Variants in FMNL2 observed in about 807,000 individuals in gnomAD.
FMNL2 encodes the protein formin-like protein 2.
Under a neutral mutation model 130.2 loss-of-function variants are expected in FMNL2, and 51 were observed. That is an observed-to-expected ratio of 0.39 (90% CI 0.31 to 0.49). The LOEUF is 0.49. Among genes scored for constraint, FMNL2 ranks in the 20% least tolerant of loss-of-function variants. The probability of loss-of-function intolerance (pLI) is 0.85; values close to 1 mark genes in which losing one functional copy is unlikely to be tolerated. For missense variants in FMNL2, 977 were observed against 1,316.2 expected, an observed-to-expected ratio of 0.74 and a Z score of 3.99; for synonymous variants, 465 against 467.1, an observed-to-expected ratio of 1.00 and a Z score of 0.06.
At chr2:152,402,260 G>A (rs938491477) in intron 1 of FMNL2, among the ~76,000 whole-genome samples, 1 of 152,164 alleles carries the variant, frequency 6.6e-6, no homozygotes, top group Non-Finnish European at 1.5e-5. Context: ...GTAAATAGTG[G>A]TGAAACATGA....
intron 1 of FMNL2, among the ~76,000 whole-genome samples, chr2:152,417,480 G>A (rs534926130): frequency 3.3e-5 from 5 of 152,284 alleles, no homozygotes; most frequent in South Asian, 2.1e-4. Context: ...GGGACCAAGC[G>A]GGGATCAGGA....
intron 9 of FMNL2, among the ~76,000 whole-genome samples, chr2:152,605,485 A>AT (rs1246662281): frequency 3.3e-5 from 5 of 151,810 alleles, no homozygotes; most frequent in East Asian, 1.9e-4. Context: ...CACCTGTCTG[A>AT]TTTTTTAATT....
chr2:152,564,799 A>T (rs75693764), intron 6 of FMNL2, among the ~76,000 whole-genome samples: 679 of 9,592 alleles, frequency 0.071, 11 homozygotes, highest in African/African-American at 0.16. Context: ...TTTTTTTTTT[A>T]ACCAAATTCT....
intron 1 of FMNL2, among the ~76,000 whole-genome samples, chr2:152,508,796 G>T (rs1290511744): frequency 1.3e-5 from 2 of 152,198 alleles, no homozygotes; most frequent in African/African-American, 2.4e-5. Context: ...TTACCCAGCT[G>T]AGACGCACAG....
intron 15 of FMNL2, among the ~76,000 whole-genome samples, chr2:152,620,707 C>A (rs971218723): frequency 6.6e-6 from 1 of 152,216 alleles, no homozygotes; most frequent in Non-Finnish European, 1.5e-5. Context: ...CAATCTCCAT[C>A]CCTTCCAGGA....
At chr2:152,423,868 G>C (rs1687040418) in intron 1 of FMNL2, among the ~76,000 whole-genome samples, 1 of 152,104 alleles carries the variant, frequency 6.6e-6, no homozygotes, top group African/African-American at 2.4e-5. Flanking sequence ...GGGAGGAACT[G>C]GGCCCATTGC....
intron 1 of FMNL2, among the ~76,000 whole-genome samples, chr2:152,397,075 G>A (rs1468128892): frequency 1.3e-5 from 2 of 152,126 alleles, no homozygotes; most frequent in African/African-American, 2.4e-5. Flanking sequence ...TGTAAAATTC[G>A]TTGATGGAAA....
At chr2:152,467,286 C>G (rs1455456073) in intron 1 of FMNL2, among the ~76,000 whole-genome samples, 1 of 152,164 alleles carries the variant, frequency 6.6e-6, no homozygotes, top group Non-Finnish European at 1.5e-5. Flanking sequence ...TGAACCTGTT[C>G]AGTAATTCTT....
At position 152,647,909 on chromosome 2, in the gene FMNL2, T is replaced by A; in HGVS notation, c.*4T>A. On this transcript the variant is annotated 3_prime_UTR_variant, in exon 26 of 26. Coordinates refer to ENST00000288670, the MANE Select transcript of FMNL2 (RefSeq NM_052905.4). Reference sequence around the variant, plus strand: ...TGGTGCCGAAATAACAATGTGAACCTGAGACTGGCCTGCATGAATACAGGG... The same window carrying A: ...TGGTGCCGAAATAACAATGTGAACCAGAGACTGGCCTGCATGAATACAGGG... The A allele has an allele frequency of 6.2e-7, 1 of 1,609,774 alleles. No homozygotes were observed. Among genetic ancestry groups the A allele is most frequent in the African/African-American group, 1.3e-5 (1 of 74,906 alleles).
chr2:152,414,054 C>T (rs550886665), intron 1 of FMNL2, among the ~76,000 whole-genome samples: 1 of 152,146 alleles, frequency 6.6e-6, no homozygotes, highest in East Asian at 1.9e-4. Flanking sequence ...TGTACACGAG[C>T]TTATGTTTGC....
intron 1 of FMNL2, among the ~76,000 whole-genome samples, chr2:152,511,613 C>A (rs1428256048): frequency 6.6e-6 from 1 of 152,164 alleles, no homozygotes; most frequent in Non-Finnish European, 1.5e-5. Context: ...TGATCCCCAT[C>A]ATAAGATTGA....
intron 1 of FMNL2, among the ~76,000 whole-genome samples, chr2:152,516,054 C>T (rs1475362611): frequency 2.0e-5 from 3 of 152,036 alleles, no homozygotes; most frequent in Non-Finnish European, 2.9e-5. Context: ...TTGCTTGCAC[C>T]GTCTCATTAG....
chr2:152,452,041 C>G (rs1688676093), intron 1 of FMNL2, among the ~76,000 whole-genome samples: 1 of 152,154 alleles, frequency 6.6e-6, no homozygotes, highest in Non-Finnish European at 1.5e-5. Context: ...TTTCTCATGC[C>G]AGGACAATGC....
chr2:152,455,052 G>A (rs181715553), intron 1 of FMNL2, among the ~76,000 whole-genome samples: 45 of 152,310 alleles, frequency 3.0e-4, no homozygotes, highest in African/African-American at 1.0e-3. Flanking sequence ...ATGCCACACA[G>A]AAGTCCTGGG....
intron 1 of FMNL2, among the ~76,000 whole-genome samples, chr2:152,399,868 G>A (rs777796462): frequency 4.6e-5 from 7 of 152,154 alleles, no homozygotes; most frequent in Non-Finnish European, 1.0e-4. Context: ...GCTAGCTACT[G>A]GATGAAGAGT....
chr2:152,470,289 C>T (rs918818279), intron 1 of FMNL2, among the ~76,000 whole-genome samples: 5 of 152,142 alleles, frequency 3.3e-5, no homozygotes, highest in East Asian at 1.9e-4. Flanking sequence ...GAGCAAGTCC[C>T]GTAATCTCAG....
intron 2 of FMNL2, among the ~76,000 whole-genome samples, chr2:152,528,728 A>G (rs374613953): frequency 6.6e-6 from 1 of 152,094 alleles, no homozygotes; most frequent in Non-Finnish European, 1.5e-5. Flanking sequence ...CCACCATTCA[A>G]CCCACTACAG....
At chr2:152,600,731 C>CTT (rs34566823) in intron 9 of FMNL2, among the ~76,000 whole-genome samples, 40 of 147,672 alleles carry the variant, frequency 2.7e-4, no homozygotes, top group East Asian at 5.9e-4. Flanking sequence ...ATAGTTGGAG[C>CTT]TTTTTTTTTT....
chr2:152,352,442 C>T (rs4664573), intron 1 of FMNL2, among the ~76,000 whole-genome samples: 116,915 of 152,074 alleles, frequency 0.77, 45,990 homozygotes, highest in Admixed American at 0.86. Context: ...ACTCAAAAGC[C>T]GTGCTCCTAA....
Sources: gnomAD v4.1 joint callset for allele counts (sites outside exome capture counted in the v4.1 genomes callset) on GRCh38, gnomAD v4.1.1 for gene constraint, MANE v1.5 for transcripts, NCBI Gene and HGNC (gene_info 2026-07-23, HGNC 2026-07-21) for gene names.